TEKT3: variants seen among roughly 807,000 people sequenced by gnomAD.
TEKT3 encodes the protein tektin 3, also known as tektin-3.
Under a neutral mutation model 49.8 loss-of-function variants are expected in TEKT3, and 49 were observed. The observed-to-expected ratio is 0.98, with a 90% confidence interval of 0.78 to 1.25. TEKT3 has a LOEUF of 1.25. TEKT3 is among the 50% of genes most tolerant of loss of function. The pLI is 0.00. For missense variants in TEKT3, 595 were observed against 629.5 expected (o/e 0.95, Z 0.59); for synonymous variants, 225 against 237.2 (o/e 0.95, Z 0.47).
chr17:15,322,658 G>A (rs780588458), intron 4 of TEKT3, among the ~76,000 whole-genome samples: 7 of 152,186 alleles, frequency 4.6e-5, no homozygotes, highest in Non-Finnish European at 1.0e-4. Context: ...GGCTTTATAT[G>A]TGGTTCTATT....
At chr17:15,320,965 A>G (rs1911226978) in intron 4 of TEKT3, among the ~76,000 whole-genome samples, 1 of 152,120 alleles carries the variant, frequency 6.6e-6, no homozygotes, top group African/African-American at 2.4e-5. Context: ...TGAGGGAAAA[A>G]AAATGCATTT....
intron 3 of TEKT3, among the ~76,000 whole-genome samples, chr17:15,330,561 C>T (rs975707249): frequency 2.0e-5 from 3 of 152,184 alleles, no homozygotes; most frequent in Admixed American, 1.3e-4. Flanking sequence ...TTGCCTTCTG[C>T]CATGATTGGA....
At chr17:15,336,294 A>G (rs1911980825) in intron 2 of TEKT3, among the ~76,000 whole-genome samples, 1 of 152,212 alleles carries the variant, frequency 6.6e-6, no homozygotes, top group Non-Finnish European at 1.5e-5. Context: ...GAAACTACCC[A>G]AACCAGAAGA....
chr17:15,340,006 TA>T (rs1359967223), intron 2 of TEKT3, 21 bp downstream of exon 2: 3 of 152,230 alleles, frequency 2.0e-5, no homozygotes, highest in African/African-American at 7.2e-5. Context: ...TGGTATCCAG[TA>T]AAGTTGAAAT....
chr17:15,331,184 T>G lies in TEKT3; in HGVS notation c.402A>C (p.Gln134His). 6.2e-7 allele frequency: 1 copy of G among 1,614,204 alleles called. No homozygotes were observed. Among genetic ancestry groups the G allele is most frequent in the Non-Finnish European group, 8.5e-7 (1 of 1,180,034 alleles). Residue 134 changes from glutamine (Q) to histidine (H), a missense_variant, in exon 3 of 9, where the codon CAA becomes CAC. Transcript: ENST00000395930. ...TSRLIQDKYQ[Q>H]TRKTQADTTQ... ...TTGTGTCTGCCTGAGTTTTTCTTGT[T>G]TGTTGATATTTGTCTTGAATCAGGC...
At chr17:15,333,780 G>A (rs2150752852) in intron 2 of TEKT3, among the ~76,000 whole-genome samples, 1 of 124,826 alleles carries the variant, frequency 8.0e-6, no homozygotes, top group Middle Eastern at 3.8e-3. Context: ...TTATTTTTTA[G>A]ACAGAGTCTC....
intron 2 of TEKT3, among the ~76,000 whole-genome samples, chr17:15,335,923 A>T (rs1444834683): frequency 6.6e-6 from 1 of 152,200 alleles, no homozygotes; most frequent in Non-Finnish European, 1.5e-5. Context: ...ACTAAAAAAG[A>T]AAATTAAAAG....
chr17:15,308,513 T>C, intron 8 of TEKT3, 151 bp downstream of exon 8: 2 of 1,081,476 alleles, frequency 1.8e-6, no homozygotes, highest in Non-Finnish European at 2.6e-6. Flanking sequence ...ACTGAAACTC[T>C]TCTGCATTCA....
At chr17:15,311,572 C>G (rs1910771922) in intron 7 of TEKT3, 1 of 152,208 alleles carries the variant, frequency 6.6e-6, no homozygotes, top group Non-Finnish European at 1.5e-5. Context: ...ATTACCCTGA[C>G]CTGATCACCA....
chr17:15,329,340 C>T (rs924797614), intron 3 of TEKT3, among the ~76,000 whole-genome samples: 4 of 152,128 alleles, frequency 2.6e-5, no homozygotes, highest in Non-Finnish European at 5.9e-5. Context: ...TTCAAACACA[C>T]AAGAACATCT....
At chr17:15,335,377 T>C (rs1469403151) in intron 2 of TEKT3, among the ~76,000 whole-genome samples, 1 of 152,168 alleles carries the variant, frequency 6.6e-6, no homozygotes, top group East Asian at 1.9e-4. Flanking sequence ...GAACAATTTC[T>C]AGAACTTACA....
intron 2 of TEKT3, among the ~76,000 whole-genome samples, chr17:15,339,131 A>C (rs1242118826): frequency 6.6e-6 from 1 of 152,172 alleles, no homozygotes; most frequent in Non-Finnish European, 1.5e-5. Flanking sequence ...GGAGTGGATT[A>C]GTTATCACAG....
rs552753337 is a variant in TEKT3 at position 15,326,705 on chromosome 17, T to C, written c.663+1287A>G. Among the ~76,000 whole-genome samples, 4 of 152,250 alleles carry C rather than the reference T, an allele frequency of 2.6e-5. No individual in the cohort carries two copies. The South Asian group carries it at 8.3e-4, about 32-fold the overall frequency. ...AAAAAAGTTACCAAGCTAAAAAATG[T>C]TTGGCAAGTACTTAGGAATGAAGAA... On this transcript the variant is annotated intron_variant, in intron 4 of 8. Transcript: ENST00000395930.
chr17:15,336,103 TACAC>T (rs58983355), intron 2 of TEKT3, among the ~76,000 whole-genome samples: 14,368 of 148,964 alleles, frequency 0.096, 812 homozygotes, highest in East Asian at 0.22. Context: ...ACTCCAAGAA[TACAC>T]ACACACACAC....
At chr17:15,336,342 C>T (rs114327537) in intron 2 of TEKT3, among the ~76,000 whole-genome samples, 1 of 151,956 alleles carries the variant, frequency 6.6e-6, no homozygotes, top group African/African-American at 2.4e-5. Context: ...AAAGTGTAAG[C>T]CTCAAATTCT....
chr17:15,334,699 C>G (rs1408654701), intron 2 of TEKT3, among the ~76,000 whole-genome samples: 1 of 152,202 alleles, frequency 6.6e-6, no homozygotes, highest in African/African-American at 2.4e-5. Flanking sequence ...TAGAACTCCT[C>G]ATGTACGGCA....
chr17:15,321,063 G>T (rs1911232588), intron 4 of TEKT3, among the ~76,000 whole-genome samples: 1 of 150,138 alleles, frequency 6.7e-6, no homozygotes, highest in Admixed American at 6.6e-5. Context: ...AGGCCGGAGT[G>T]CAGTGGCGCG....
chr17:15,324,140 T>C (rs395945), intron 4 of TEKT3, among the ~76,000 whole-genome samples: 14,868 of 152,242 alleles, frequency 0.098, 856 homozygotes, highest in East Asian at 0.22. Flanking sequence ...CAAACCTACT[T>C]ATAGTCTCTA....
rs116813907 is a variant in TEKT3, at chr17:15,306,279, A to T, written c.1257-2127T>A. Among the ~76,000 whole-genome samples, 1,355 of 152,190 alleles carry T rather than the reference A, an allele frequency of 8.9e-3. 15 individuals carry two copies. The highest frequency in any genetic ancestry group is 0.031 in the African/African-American group (1,267 of 41,536). On this transcript the variant is annotated intron_variant, in intron 8 of 8. Coordinates refer to ENST00000395930, the MANE Select transcript of TEKT3 (RefSeq NM_031898.3). ...AAGTAAGTCTTGAAATGAAAACAGC[A>T]ATTTTTCTCAGTCCCCACTCCCCTT...
Sources: allele counts gnomAD v4.1 joint callset (sites outside exome capture counted in the v4.1 genomes callset), GRCh38; gene constraint gnomAD v4.1.1; transcripts MANE v1.5; gene names NCBI Gene and HGNC (gene_info 2026-07-23, HGNC 2026-07-21).